EYS: variants seen among roughly 807,000 people sequenced by gnomAD.
The protein encoded by EYS is protein eyes shut homolog.
EYS carries 250 observed loss-of-function variants against 282.1 expected under a neutral mutation model. The ratio of observed to expected loss-of-function variants is 0.89; its 90% CI spans 0.80 to 0.98. The LOEUF is 0.98. Ranked by LOEUF, EYS falls within the 50% of genes least tolerant of loss-of-function variation. EYS has a pLI of 0.00. For missense variants in EYS, 4,016 were observed against 3,709.0 expected, an observed-to-expected ratio of 1.08 and a Z score of -2.15; for synonymous variants, 1,355 against 1,282.9, an observed-to-expected ratio of 1.06 and a Z score of -1.20.
chr6:65,625,486 T>G (rs62407729), intron 2 of EYS, among the ~76,000 whole-genome samples: 13,665 of 152,252 alleles, frequency 0.09, 697 homozygotes, highest in South Asian at 0.15. Flanking sequence ...ATCTTTCCAA[T>G]ATGAACAACA....
chr6:64,321,535 C>T (rs1770220363), intron 29 of EYS, among the ~76,000 whole-genome samples: 1 of 151,472 alleles, frequency 6.6e-6, no homozygotes. Context: ...TACACGTGGG[C>T]CATAAAGGAG....
intron 14 of EYS, among the ~76,000 whole-genome samples, chr6:64,983,074 G>T (rs1049109233): frequency 6.6e-6 from 1 of 151,094 alleles, no homozygotes; most frequent in South Asian, 2.1e-4. Flanking sequence ...ATTTCATGTC[G>T]GTTTTATTTT....
intron 30 of EYS, among the ~76,000 whole-genome samples, chr6:64,289,987 T>C (rs187397557): frequency 2.2e-3 from 330 of 152,186 alleles, no homozygotes; most frequent in Non-Finnish European, 3.0e-3. Context: ...TCAACAATTA[T>C]CTGATAGACT....
chr6:64,830,309 T>C (rs752472283), intron 19 of EYS, among the ~76,000 whole-genome samples: 1 of 151,960 alleles, frequency 6.6e-6, no homozygotes, highest in Non-Finnish European at 1.5e-5. Flanking sequence ...CGGGATTTTG[T>C]GATAGAAGCT....
At chr6:65,280,539 A>G (rs1467056793) in intron 12 of EYS, among the ~76,000 whole-genome samples, 1 of 152,164 alleles carries the variant, frequency 6.6e-6, no homozygotes, top group Non-Finnish European at 1.5e-5. Context: ...TATAATTTAT[A>G]TCATAAATAT....
chr6:65,362,030 C>A, intron 8 of EYS, among the ~76,000 whole-genome samples: 1 of 148,996 alleles, frequency 6.7e-6, no homozygotes, highest in East Asian at 2.0e-4. Context: ...TAGCTAATGG[C>A]CAGAGAACCT....
chr6:64,562,738 T>C (rs1036015516), intron 26 of EYS, among the ~76,000 whole-genome samples: 2 of 151,970 alleles, frequency 1.3e-5, no homozygotes, highest in Non-Finnish European at 2.9e-5. Context: ...TATATGTTTA[T>C]GCTATGTTTA....
At chr6:64,854,065 A>G (rs1418194074) in intron 19 of EYS, among the ~76,000 whole-genome samples, 1 of 151,944 alleles carries the variant, frequency 6.6e-6, no homozygotes, top group African/African-American at 2.4e-5. Context: ...ATCTCACACC[A>G]GTTAGAATGG....
At chr6:63,830,413 C>A (rs901866527) in intron 36 of EYS, among the ~76,000 whole-genome samples, 1 of 152,174 alleles carries the variant, frequency 6.6e-6, no homozygotes, top group African/African-American at 2.4e-5. Context: ...ACGAGAACTA[C>A]ATGATGCATG....
rs976913872 is a variant in EYS at position 63,726,630 on chromosome 6, A to C, written c.8122T>G (p.Ser2708Ala). ...SFRSNELSWM[S>A]FASFHVRKKT... is the part of the protein sequence containing the mutation. ...TTTCGAACATGAAAGGAAGCAAAAG[A>C]CATCCAGGATAACTCATTGCTTCTG... is the stretch of plus-strand genomic sequence containing the variant. Residue 2708 changes from serine to alanine, a missense_variant, in exon 42 of 43, where the codon TCT (serine) becomes GCT (alanine). Transcript: ENST00000503581. The C allele has an allele frequency of 6.4e-6, 10 of 1,551,248 alleles. No homozygotes were observed. The highest frequency in any genetic ancestry group is 1.4e-5 in the African/African-American group (1 of 73,048).
intron 12 of EYS, among the ~76,000 whole-genome samples, chr6:65,067,145 T>C (rs900380807): frequency 5.3e-5 from 8 of 152,020 alleles, no homozygotes; most frequent in African/African-American, 1.7e-4. Context: ...GTTAATTATA[T>C]CCCCAAAGGG....
intron 15 of EYS, among the ~76,000 whole-genome samples, chr6:64,940,486 TAAC>T (rs899151826): frequency 1.3e-4 from 20 of 152,052 alleles, no homozygotes; most frequent in Non-Finnish European, 2.8e-4. Context: ...ATAAAACAGA[TAAC>T]AATTAATATT....
intron 12 of EYS, among the ~76,000 whole-genome samples, chr6:65,176,076 A>ATG (rs377120047): frequency 6.6e-6 from 1 of 151,196 alleles, no homozygotes; most frequent in Admixed American, 6.6e-5. Flanking sequence ...GTGTGTTTGT[A>ATG]TGTGTGTGTG....
chr6:64,335,340 C>T (rs1339134818), intron 29 of EYS, among the ~76,000 whole-genome samples: 1 of 149,030 alleles, frequency 6.7e-6, no homozygotes, highest in Non-Finnish European at 1.5e-5. Context: ...TACTCCCCAA[C>T]TCCACATTCC....
chr6:64,094,691 T>C (rs1194595901), intron 31 of EYS, among the ~76,000 whole-genome samples: 2 of 152,192 alleles, frequency 1.3e-5, no homozygotes, highest in Non-Finnish European at 2.9e-5. Context: ...ATGTTGTTGA[T>C]CTTTTCAAAA....
intron 22 of EYS, among the ~76,000 whole-genome samples, chr6:64,690,520 C>A (rs1770339918): frequency 6.6e-6 from 1 of 152,160 alleles, no homozygotes; most frequent in Non-Finnish European, 1.5e-5. Context: ...TATAAAGACA[C>A]AGGCATGCGC....
intron 7 of EYS, among the ~76,000 whole-genome samples, chr6:65,390,602 G>A (rs964736743): frequency 6.6e-6 from 1 of 151,988 alleles, no homozygotes; most frequent in African/African-American, 2.4e-5. Context: ...AAATATTGTG[G>A]GCTGGGCATG....
At chr6:64,800,001 A>G (rs1440080015) in intron 22 of EYS, among the ~76,000 whole-genome samples, 1 of 151,946 alleles carries the variant, frequency 6.6e-6, no homozygotes, top group Non-Finnish European at 1.5e-5. Context: ...TCACAATATA[A>G]TCCTTTTATC....
chr6:65,153,087 T>A (rs888820784), intron 12 of EYS, among the ~76,000 whole-genome samples: 2 of 151,858 alleles, frequency 1.3e-5, no homozygotes, highest in African/African-American at 2.4e-5. Flanking sequence ...TTTTAACTAA[T>A]GAGAATATGC....
Sources: allele counts gnomAD v4.1 joint callset (sites outside exome capture counted in the v4.1 genomes callset), GRCh38; gene constraint gnomAD v4.1.1; transcripts MANE v1.5; gene names NCBI Gene and HGNC (gene_info 2026-07-23, HGNC 2026-07-21).